RFPL2: variants seen among roughly 807,000 people sequenced by gnomAD.
RFPL2 encodes ret finger protein-like 2.
Under a neutral mutation model 17.8 loss-of-function variants are expected in RFPL2, and 13 were observed. The observed-to-expected ratio is 0.73, with a 90% confidence interval of 0.47 to 1.16. RFPL2 has a LOEUF of 1.16. Ranked by LOEUF, RFPL2 falls within the 50% of genes most tolerant of loss-of-function variation. RFPL2 has a pLI of 0.00. For synonymous variants in RFPL2, 189 were observed against 180.9 expected (o/e 1.04, Z -0.36); for missense variants, 431 against 479.3 (o/e 0.90, Z 0.94).
chr22:32,199,819 A>C (rs1043591393), intron 2 of RFPL2: 19 of 375,132 alleles, frequency 5.1e-5, no homozygotes, highest in African/African-American at 4.2e-4. Flanking sequence ...GGGGTCCTGC[A>C]CTGGCACTGA....
At chr22:32,199,256 T>C (rs1314341433) in intron 2 of RFPL2, among the ~76,000 whole-genome samples, 1 of 151,792 alleles carries the variant, frequency 6.6e-6, no homozygotes, top group Non-Finnish European at 1.5e-5. Flanking sequence ...CAGAAGGACA[T>C]GCTGTTCGTG....
At position 32,202,677 on chromosome 22, in the gene RFPL2, A is replaced by C. The variant is rs1466040140; in HGVS notation, c.-99-127T>G. On this transcript the variant is annotated intron_variant, in intron 1 of 4. Transcript: ENST00000652607. Reference sequence around the variant, plus strand: ...AAAGTCCAGCCTCTCCTTTTAGCGCAAGCTGGCCAGGAACTGCGGCCTGGA... The same window carrying C: ...AAAGTCCAGCCTCTCCTTTTAGCGCCAGCTGGCCAGGAACTGCGGCCTGGA... The C allele has an allele frequency of 7.4e-6, 10 of 1,355,096 alleles. No homozygotes were observed. In the East Asian group the frequency reaches 2.9e-4, roughly 39 times the overall value. The allele number at this position is 1,355,096 out of a possible 1,614,324, so 83.9% of individuals were successfully genotyped here.
Position 32,193,029 on chromosome 22 carries a change from G to C in RFPL2, c.429C>G (p.Ser143=). The C allele has an allele frequency of 1.9e-6, 3 of 1,614,096 alleles. No individual in the cohort carries two copies. Among genetic ancestry groups the C allele is most frequent in the Non-Finnish European group, 2.5e-6 (3 of 1,179,976 alleles). ...HGEDLLCCCS[S]MVSRKNKIRR... ...TGATTTTGTTCTTCCGAGAGACCAT[G>C]GAAGAGCAACAGCAAAGTAGATCCT... The change falls in exon 4 of 5, where the codon TCC becomes TCG. Residue 143 remains serine, a synonymous_variant. Coordinates refer to ENST00000652607, the MANE Select transcript of RFPL2 (RefSeq NM_001394555.1).
At chr22:32,191,400 C>G (rs766610226) in intron 4 of RFPL2, 48 bp from the exon 5 acceptor site, 2 of 1,555,268 alleles carry the variant, frequency 1.3e-6, no homozygotes, top group Admixed American at 3.8e-5. Context: ...GAAACCAACC[C>G]TATGCCTCTC....
intron 2 of RFPL2, chr22:32,200,073 A>G (rs1923757390): frequency 4.5e-6 from 2 of 442,098 alleles, no homozygotes; most frequent in Non-Finnish European, 9.1e-6. Flanking sequence ...CACCCAGGGT[A>G]TGGAAGTCAC....
chr22:32,200,873 C>A (rs974065300), intron 2 of RFPL2, among the ~76,000 whole-genome samples: 14 of 152,008 alleles, frequency 9.2e-5, no homozygotes, highest in African/African-American at 3.4e-4. Context: ...TGGGGCCCGC[C>A]TCGATTCTTC....
chr22:32,199,824 C>G (rs1923728404), intron 2 of RFPL2: 2 of 377,074 alleles, frequency 5.3e-6, no homozygotes, highest in Non-Finnish European at 5.2e-6. Context: ...CCTGCACTGG[C>G]ACTGAGGGGG....
In RFPL2 at chr22:32,205,007, A is replaced by G. The variant is rs1924373454; in HGVS notation, c.-400T>C. 1 of 152,262 alleles carries G rather than the reference A, an allele frequency of 6.6e-6. No homozygotes were observed. The highest frequency in any genetic ancestry group is 2.4e-5 in the African/African-American group (1 of 41,466). 9.4% of individuals were successfully genotyped at this position (152,262 alleles called of 1,614,324 possible). On this transcript the variant is annotated 5_prime_UTR_variant, in exon 1 of 5. Coordinates refer to ENST00000652607, the MANE Select transcript of RFPL2 (RefSeq NM_001394555.1). ...ACTTCATTTGCATTAAACTCAGTATATAAAGGATGCCAAGAGGGGTGGCTT... is the reference window on the plus strand; with the variant it reads ...ACTTCATTTGCATTAAACTCAGTATGTAAAGGATGCCAAGAGGGGTGGCTT...
intron 2 of RFPL2, among the ~76,000 whole-genome samples, chr22:32,197,811 TG>T (rs1037446266): frequency 6.6e-6 from 1 of 152,218 alleles, no homozygotes; most frequent in Non-Finnish European, 1.5e-5. Flanking sequence ...CTATCATTGA[TG>T]GACTTTTGGG....
chr22:32,193,285 A>T (rs1202998449), intron 3 of RFPL2, 93 bp from the exon 4 acceptor site: 1 of 1,606,012 alleles, frequency 6.2e-7, no homozygotes, highest in Admixed American at 1.7e-5. Flanking sequence ...GCATAGAGGT[A>T]TTGTGTTCCA....
intron 4 of RFPL2, 82 bp from the exon 5 acceptor site, chr22:32,191,434 C>A (rs1922641991): frequency 6.8e-7 from 1 of 1,481,440 alleles, no homozygotes; most frequent in Admixed American, 2.2e-5. Flanking sequence ...GCCCAAATAT[C>A]TCTTGACTTT....
chr22:32,193,723 C>T (rs573141839), intron 3 of RFPL2, among the ~76,000 whole-genome samples: 3 of 152,174 alleles, frequency 2.0e-5, no homozygotes, highest in South Asian at 2.1e-4. Flanking sequence ...ATTAGCCAGG[C>T]GTGGTGGCAC....
chr22:32,193,391 C>T, intron 3 of RFPL2, 199 bp from the exon 4 acceptor site: 1 of 1,538,414 alleles, frequency 6.5e-7, no homozygotes, highest in Non-Finnish European at 8.7e-7. Context: ...TTGGGAAAGT[C>T]ACGAATCATC....
At position 32,198,122 on chromosome 22, in the gene RFPL2, G is replaced by A. The variant is rs547421507; in HGVS notation, c.120-3632C>T. On this transcript the variant is annotated intron_variant, in intron 2 of 4. Transcript: ENST00000652607. ...AGCTGCCCCTTCTCTGGGGCATTGGGGACACCTGAGGATGCCTCCCTGCTC... is the reference window on the plus strand; with the variant it reads ...AGCTGCCCCTTCTCTGGGGCATTGGAGACACCTGAGGATGCCTCCCTGCTC... Among the ~76,000 whole-genome samples, 42 of 152,220 alleles carry A rather than the reference G, an allele frequency of 2.8e-4. 2 individuals carry two copies. In the South Asian group the frequency reaches 8.3e-3, roughly 30 times the overall value.
chr22:32,192,178 G>A (rs188269325), intron 4 of RFPL2, among the ~76,000 whole-genome samples: 9 of 152,336 alleles, frequency 5.9e-5, no homozygotes, highest in Admixed American at 3.9e-4. Context: ...GATCGTGGGT[G>A]TCAGGGCAGA....
chr22:32,193,700 A>C (rs1321804985), intron 3 of RFPL2, among the ~76,000 whole-genome samples: 6 of 152,288 alleles, frequency 3.9e-5, no homozygotes, highest in African/African-American at 1.2e-4. Flanking sequence ...ATCTCTACTG[A>C]AAATACAAAA....
Position 32,191,190 on chromosome 22 carries a change from C to T in RFPL2, c.719G>A (p.Arg240His), listed in dbSNP as rs761458675. 2.7e-5 allele frequency: 43 copies of T among 1,613,800 alleles called. 1 individual carries two copies. In the Middle Eastern group the frequency reaches 4.9e-4, roughly 19 times the overall value. The change falls in exon 5 of 5, where the codon CGC (arginine) becomes CAC (histidine). Residue 240 changes from arginine to histidine, a missense_variant. Arg to His is a conservative substitution (Grantham distance 29, BLOSUM62 0). Coordinates refer to ENST00000652607, the MANE Select transcript of RFPL2 (RefSeq NM_001394555.1). ...ILGSPRFTCG[R>H]HCWEVDVGTS... ...TCCCACGTCCACCTCCCAGCAGTGGCGGCCACAGGTAAAGCGAGGGGAGCC... is the reference window on the plus strand; with the variant it reads ...TCCCACGTCCACCTCCCAGCAGTGGTGGCCACAGGTAAAGCGAGGGGAGCC...
At chr22:32,193,328 C>A in intron 3 of RFPL2, 136 bp from the exon 4 acceptor site, 3 of 1,583,314 alleles carry the variant, frequency 1.9e-6, no homozygotes, top group South Asian at 2.4e-5. Flanking sequence ...ACCATGAGTA[C>A]AAACACTCAA....
In RFPL2 at chr22:32,193,520, T is replaced by A. The variant is rs568543643; in HGVS notation, c.266-328A>T. On this transcript the variant is annotated intron_variant, in intron 3 of 4. Coordinates refer to ENST00000652607, the MANE Select transcript of RFPL2 (RefSeq NM_001394555.1). ...AACAGCGAGCTGGGGTCATTTCACC[T>A]CCTCCTAGGGGAACCCCAGCAAGAG... 57 of 1,375,168 alleles carry A rather than the reference T, an allele frequency of 4.1e-5. 1 individual carries two copies. Among genetic ancestry groups the A allele is most frequent in the South Asian group, 2.4e-4 (14 of 59,418 alleles). 85.2% of individuals were successfully genotyped at this position (1,375,168 alleles called of 1,614,324 possible). A position where few individuals can be genotyped will look rare whatever the true frequency, so the allele number is the denominator to read the frequency against.
Sources: allele counts gnomAD v4.1 joint callset (sites outside exome capture counted in the v4.1 genomes callset), GRCh38; gene constraint gnomAD v4.1.1; transcripts MANE v1.5; gene names NCBI Gene and HGNC (gene_info 2026-07-23, HGNC 2026-07-21).